The following ZNF385C variants were observed in gnomAD, a reference collection of about 807,000 sequenced individuals.
ZNF385C encodes the protein zinc finger protein 385C.
Under a neutral mutation model 35.4 loss-of-function variants are expected in ZNF385C, and 28 were observed. That is an observed-to-expected ratio of 0.79 (90% CI 0.59 to 1.08). The LOEUF (loss-of-function observed/expected upper bound fraction) is 1.08. ZNF385C is among the 50% of genes least tolerant of loss of function. The pLI is 0.00. For synonymous variants in ZNF385C, 248 were observed against 248.2 expected (o/e 1.00, Z 0.01); for missense variants, 605 against 595.6 (o/e 1.02, Z -0.16).
chr17:42,087,817 A>G (rs750026883), intron 1 of ZNF385C, among the ~76,000 whole-genome samples: 2 of 152,214 alleles, frequency 1.3e-5, no homozygotes, highest in Non-Finnish European at 2.9e-5. Context: ...ATAATGTCTG[A>G]CAGAGTTAGT....
chr17:42,088,389 C>T (rs1353285001), intron 1 of ZNF385C, among the ~76,000 whole-genome samples: 2 of 152,258 alleles, frequency 1.3e-5, no homozygotes, highest in Non-Finnish European at 2.9e-5. Flanking sequence ...GCGCAGTGCC[C>T]CACACTGACA....
intron 2 of ZNF385C, among the ~76,000 whole-genome samples, chr17:42,057,493 G>GGTGTGT (rs1347050904): frequency 4.1e-5 from 2 of 48,528 alleles, no homozygotes; most frequent in South Asian, 8.5e-4. Flanking sequence ...GTTATTTAGG[G>GGTGTGT]GTGTGCGCGC....
At chr17:42,059,503 C>T (rs2053429163) in intron 2 of ZNF385C, among the ~76,000 whole-genome samples, 1 of 152,200 alleles carries the variant, frequency 6.6e-6, no homozygotes, top group Admixed American at 6.5e-5. Context: ...TGACCCAGTA[C>T]TGAGGGGCAT....
At chr17:42,086,717 AAAATC>A (rs1291982557) in intron 1 of ZNF385C, among the ~76,000 whole-genome samples, 1 of 151,648 alleles carries the variant, frequency 6.6e-6, no homozygotes, top group Non-Finnish European at 1.5e-5. Flanking sequence ...AAAAAAAAAA[AAAATC>A]CAATAAATAT....
intron 8 of ZNF385C, 23 bp from the exon 9 acceptor site, chr17:42,027,156 GAC>G (rs782507740): frequency 3.1e-6 from 5 of 1,606,690 alleles, no homozygotes; most frequent in Middle Eastern, 1.9e-4. Flanking sequence ...GAAAGGAATG[GAC>G]ACAGTCTCCA....
intron 1 of ZNF385C, among the ~76,000 whole-genome samples, chr17:42,093,937 G>A (rs1213244460): frequency 6.6e-6 from 1 of 151,302 alleles, no homozygotes; most frequent in South Asian, 2.1e-4. Context: ...TTGCCTGGCA[G>A]TGGAGGAGCC....
At chr17:42,030,686 T>C (rs2052706802) in intron 5 of ZNF385C, among the ~76,000 whole-genome samples, 1 of 152,228 alleles carries the variant, frequency 6.6e-6, no homozygotes, top group Non-Finnish European at 1.5e-5. Flanking sequence ...AACCTCAGAA[T>C]GTGACCTTAT....
chr17:42,047,334 G>A (rs1054391822), intron 2 of ZNF385C, among the ~76,000 whole-genome samples: 22 of 151,830 alleles, frequency 1.4e-4, no homozygotes, highest in Non-Finnish European at 2.4e-4. Context: ...GCCTGGCCCC[G>A]GCTAATTTTT....
At chr17:42,072,814 C>T (rs896606244) in intron 1 of ZNF385C, among the ~76,000 whole-genome samples, 7 of 152,170 alleles carry the variant, frequency 4.6e-5, no homozygotes, top group Non-Finnish European at 8.8e-5. Context: ...CTCGGAGGCT[C>T]TCCTGGCTGA....
At position 42,028,506 on chromosome 17, in the gene ZNF385C, C is replaced by T. The variant is rs189209499; in HGVS notation, c.968-260G>A. On this transcript the variant is annotated intron_variant, in intron 6 of 8. Coordinates refer to ENST00000692273, the MANE Select transcript of ZNF385C (RefSeq NM_001392013.1). Reference sequence around the variant, plus strand: ...TCAGTCCTTTCCTTCTGGGTGTAATCTAAGGAGAGAGGCAGATGTCTCCTG... The same window carrying T: ...TCAGTCCTTTCCTTCTGGGTGTAATTTAAGGAGAGAGGCAGATGTCTCCTG... The T allele has an allele frequency of 5.5e-4, 323 of 588,378 alleles. 3 individuals are homozygous for T. Among genetic ancestry groups the T allele is most frequent in the African/African-American group, 5.5e-3 (295 of 53,852 alleles). The allele number at this position is 588,378 out of a possible 1,614,324, so 36.4% of individuals were successfully genotyped here.
chr17:42,040,133 C>G, intron 2 of ZNF385C: 1 of 1,231,460 alleles, frequency 8.1e-7, no homozygotes. Flanking sequence ...CCATGCGTGC[C>G]CAGCTCCTCC....
chr17:42,035,180 A>G (rs1555655322), intron 3 of ZNF385C, among the ~76,000 whole-genome samples: 1 of 151,558 alleles, frequency 6.6e-6, no homozygotes, highest in East Asian at 1.9e-4. Context: ...AAGAAAAGAA[A>G]AATACACAGC....
At chr17:42,046,358 T>C (rs565290511) in intron 2 of ZNF385C, among the ~76,000 whole-genome samples, 1 of 152,152 alleles carries the variant, frequency 6.6e-6, no homozygotes, top group East Asian at 1.9e-4. Flanking sequence ...TTTGGGAAGC[T>C]GAGGTAGGAG....
At chr17:42,033,227 A>G (rs1454162774) in intron 4 of ZNF385C, among the ~76,000 whole-genome samples, 4 of 152,186 alleles carry the variant, frequency 2.6e-5, no homozygotes, top group Non-Finnish European at 5.9e-5. Context: ...GAAACCCCAG[A>G]TTGCCTAACA....
intron 1 of ZNF385C, among the ~76,000 whole-genome samples, chr17:42,075,792 C>T (rs1056435375): frequency 2.6e-5 from 4 of 152,232 alleles, no homozygotes; most frequent in African/African-American, 9.6e-5. Flanking sequence ...CTGTGCCTAG[C>T]ACATTCCTCT....
intron 2 of ZNF385C, among the ~76,000 whole-genome samples, chr17:42,055,751 A>G (rs1259552412): frequency 1.3e-5 from 2 of 152,134 alleles, no homozygotes; most frequent in African/African-American, 4.8e-5. Flanking sequence ...TCATCAAGCC[A>G]GTGACTCAGG....
At chr17:42,039,020 GC>G (rs1322721708) in intron 2 of ZNF385C, 3 of 152,246 alleles carry the variant, frequency 2.0e-5, no homozygotes, top group Non-Finnish European at 4.4e-5. Context: ...GGAGGCCGAG[GC>G]AGGTGGATCA....
chr17:42,076,565 T>C (rs1456033059), intron 1 of ZNF385C, among the ~76,000 whole-genome samples: 1 of 151,988 alleles, frequency 6.6e-6, no homozygotes, highest in Non-Finnish European at 1.5e-5. Context: ...GAGCTGGCAG[T>C]GAGCCAAGAT....
intron 8 of ZNF385C, 121 bp from the exon 9 acceptor site, chr17:42,027,254 A>C: frequency 1.1e-6 from 1 of 881,920 alleles, no homozygotes; most frequent in East Asian, 2.4e-5. Context: ...TCCAAACCTA[A>C]ATCCTCCTCC....
Sources: allele counts gnomAD v4.1 joint callset (sites outside exome capture counted in the v4.1 genomes callset), GRCh38; gene constraint gnomAD v4.1.1; transcripts MANE v1.5; gene names NCBI Gene and HGNC (gene_info 2026-07-23, HGNC 2026-07-21).